The following EXOC4 variants were observed in gnomAD, a reference collection of about 807,000 sequenced individuals.
EXOC4 encodes the protein SEC8-like 1.
In EXOC4, 71 loss-of-function variants were observed where a neutral mutation model predicts 107.2. That is an observed-to-expected ratio of 0.66 (90% confidence interval 0.55 to 0.81). The LOEUF (loss-of-function observed/expected upper bound fraction) is 0.81, where lower values mean the gene tolerates loss of function less well. EXOC4 is among the 30% of genes least tolerant of loss of function. The probability of loss-of-function intolerance (pLI) is 0.00; values close to 1 mark genes in which losing one functional copy is unlikely to be tolerated. For missense variants in EXOC4, 1,108 were observed against 1,189.6 expected, an observed-to-expected ratio of 0.93 and a Z score of 1.01; for synonymous variants, 456 against 441.2, an observed-to-expected ratio of 1.03 and a Z score of -0.42.
intron 10 of EXOC4, among the ~76,000 whole-genome samples, chr7:133,694,626 C>A (rs1794492991): frequency 6.6e-6 from 1 of 152,108 alleles, no homozygotes; most frequent in Admixed American, 6.5e-5. Flanking sequence ...GGGCGTTCTT[C>A]TGAAATTTTG....
At chr7:133,416,784 A>G (rs1048651116) in intron 7 of EXOC4, among the ~76,000 whole-genome samples, 6 of 152,174 alleles carry the variant, frequency 3.9e-5, no homozygotes, top group Non-Finnish European at 5.9e-5. Flanking sequence ...AGAAGGATGG[A>G]TGAATGACTC....
intron 15 of EXOC4, among the ~76,000 whole-genome samples, chr7:134,004,484 C>T (rs1794597854): frequency 1.3e-5 from 2 of 152,134 alleles, no homozygotes; most frequent in African/African-American, 4.8e-5. Context: ...TCTATAAACT[C>T]GGCCTCTCAT....
At chr7:133,498,177 A>T (rs1257140297) in intron 9 of EXOC4, among the ~76,000 whole-genome samples, 1 of 152,158 alleles carries the variant, frequency 6.6e-6, no homozygotes, top group South Asian at 2.1e-4. Flanking sequence ...GGCACTATTG[A>T]TAAACCTGAA....
chr7:133,310,764 C>T (rs958863284), intron 4 of EXOC4, among the ~76,000 whole-genome samples: 6 of 152,166 alleles, frequency 3.9e-5, no homozygotes, highest in Admixed American at 2.0e-4. Context: ...TCCTTTATCT[C>T]GTCAAGATTC....
intron 13 of EXOC4, among the ~76,000 whole-genome samples, chr7:133,922,822 C>G (rs1022662389): frequency 6.6e-5 from 10 of 151,176 alleles, no homozygotes; most frequent in Non-Finnish European, 1.3e-4. Flanking sequence ...GCACTCAAGC[C>G]TGGGCGACAG....
intron 4 of EXOC4, among the ~76,000 whole-genome samples, chr7:133,313,142 GT>G (rs79182987): frequency 9.0e-4 from 119 of 131,524 alleles, no homozygotes; most frequent in East Asian, 6.5e-3. Flanking sequence ...TTCAGTTCTT[GT>G]TTTTTTTTTT....
intron 14 of EXOC4, among the ~76,000 whole-genome samples, chr7:133,959,061 A>G (rs1186951668): frequency 6.6e-5 from 10 of 152,204 alleles, no homozygotes; most frequent in Non-Finnish European, 1.2e-4. Flanking sequence ...GTGGTTCTCC[A>G]ATAAAAGAGA....
At chr7:134,087,497 C>T in the EXOC4 span, among the ~76,000 whole-genome samples, 1 of 152,206 alleles carries the variant, frequency 6.6e-6, no homozygotes, top group South Asian at 2.1e-4. Flanking sequence ...ATATATTACA[C>T]AATAGTAAGG....
chr7:133,300,251 C>G (rs534134016), intron 3 of EXOC4, among the ~76,000 whole-genome samples: 45 of 152,320 alleles, frequency 3.0e-4, no homozygotes, highest in Admixed American at 1.9e-3. Flanking sequence ...GGCACTTGGC[C>G]TTGCTCCTGA....
chr7:133,486,991 C>T (rs142640598), intron 9 of EXOC4, among the ~76,000 whole-genome samples: 49 of 152,222 alleles, frequency 3.2e-4, no homozygotes. Flanking sequence ...ACTTTTTAGC[C>T]TTAATTGATG....
intron 9 of EXOC4, among the ~76,000 whole-genome samples, chr7:133,496,542 C>T (rs573733894): frequency 2.0e-5 from 3 of 152,118 alleles, no homozygotes; most frequent in Admixed American, 1.3e-4. Flanking sequence ...CAGTTTCTAC[C>T]CAGAATTCTT....
At chr7:133,667,053 T>A (rs1793833257) in intron 10 of EXOC4, among the ~76,000 whole-genome samples, 1 of 152,126 alleles carries the variant, frequency 6.6e-6, no homozygotes, top group South Asian at 2.1e-4. Flanking sequence ...AGGAAATAAT[T>A]TATATATATA....
chr7:134,072,308 T>C, the EXOC4 span, among the ~76,000 whole-genome samples: 1 of 152,212 alleles, frequency 6.6e-6, no homozygotes, highest in Admixed American at 6.5e-5. Flanking sequence ...TACTAATTTA[T>C]TTAATGTAAG....
At chr7:133,262,506 C>A (rs1795177662) in intron 1 of EXOC4, among the ~76,000 whole-genome samples, 1 of 152,026 alleles carries the variant, frequency 6.6e-6, no homozygotes, top group Non-Finnish European at 1.5e-5. Flanking sequence ...TCTTAGGAGA[C>A]CCTTTTCTGA....
chr7:134,033,939 G>C (rs1283162110), intron 17 of EXOC4, among the ~76,000 whole-genome samples: 1 of 152,170 alleles, frequency 6.6e-6, no homozygotes, highest in Non-Finnish European at 1.5e-5. Flanking sequence ...AATTTTGAGG[G>C]TGCAATAAGG....
At chr7:133,887,713 G>T (rs937803274) in intron 11 of EXOC4, among the ~76,000 whole-genome samples, 2 of 152,090 alleles carry the variant, frequency 1.3e-5, no homozygotes, top group African/African-American at 2.4e-5. Context: ...ATAATCAGAG[G>T]CATCTCCTCA....
intron 3 of EXOC4, among the ~76,000 whole-genome samples, chr7:133,293,688 T>C (rs140818795): frequency 1.2e-3 from 177 of 152,360 alleles, no homozygotes; most frequent in African/African-American, 4.0e-3. Flanking sequence ...TCTTTTGATA[T>C]GATAACCGAG....
At chr7:133,990,414 C>G (rs1794224988) in intron 14 of EXOC4, among the ~76,000 whole-genome samples, 1 of 152,082 alleles carries the variant, frequency 6.6e-6, no homozygotes, top group Non-Finnish European at 1.5e-5. Context: ...TGATGACCTT[C>G]AGTTCCATCC....
intron 11 of EXOC4, among the ~76,000 whole-genome samples, chr7:133,868,541 A>G (rs1316649969): frequency 6.6e-6 from 1 of 152,182 alleles, no homozygotes; most frequent in African/African-American, 2.4e-5. Flanking sequence ...TGAGGGATCT[A>G]GAGATCTGAC....
Sources: allele counts gnomAD v4.1 joint callset (sites outside exome capture counted in the v4.1 genomes callset), GRCh38; gene constraint gnomAD v4.1.1; transcripts MANE v1.5; gene names NCBI Gene and HGNC (gene_info 2026-07-23, HGNC 2026-07-21).